SPATS2: variants seen among roughly 807,000 people sequenced by gnomAD.
SPATS2 encodes spermatogenesis-associated serine-rich protein 2.
A neutral mutation model predicts 63.7 loss-of-function variants in SPATS2; 38 were observed. The ratio of observed to expected loss-of-function variants is 0.60; its 90% CI spans 0.46 to 0.78. SPATS2 has a LOEUF of 0.78. Among genes scored for constraint, SPATS2 ranks in the 30% least tolerant of loss-of-function variants. The pLI, the probability that SPATS2 is intolerant of heterozygous loss-of-function variation, is 0.00. For synonymous variants in SPATS2, 207 were observed against 232.9 expected (o/e 0.89, Z 1.01); for missense variants, 588 against 666.2 (o/e 0.88, Z 1.29).
At chr12:49,385,643 A>G (rs1565695896) in intron 2 of SPATS2, among the ~76,000 whole-genome samples, 1 of 152,070 alleles carries the variant, frequency 6.6e-6, no homozygotes, top group African/African-American at 2.4e-5. Flanking sequence ...TAATATTCTC[A>G]GTGAATTAGG....
At position 49,461,072 on chromosome 12, in the gene SPATS2, A is replaced by G. The variant is rs151247702; in HGVS notation, c.25+35A>G. 2.8e-4 allele frequency: 457 copies of G among 1,608,706 alleles called. No homozygotes were observed. The African/African-American group carries it at 5.2e-3, about 18-fold the overall frequency. ...CATGTGGGCATAAATTGTTAAAAGC[A>G]TAGTTATAATGATCCCCATTTATAG... On this transcript the variant is annotated intron_variant, in intron 3 of 13. Transcript: ENST00000552918.
intron 2 of SPATS2, among the ~76,000 whole-genome samples, chr12:49,439,395 G>C (rs1190589334): frequency 6.6e-6 from 1 of 152,132 alleles, no homozygotes; most frequent in Non-Finnish European, 1.5e-5. Flanking sequence ...GTGAAAAATA[G>C]ACTACATTAA....
chr12:49,388,959 G>T (rs1944370015), intron 2 of SPATS2, among the ~76,000 whole-genome samples: 1 of 152,120 alleles, frequency 6.6e-6, no homozygotes, highest in Non-Finnish European at 1.5e-5. Flanking sequence ...CTACGAAAGT[G>T]CTGGGATTAC....
chr12:49,393,029 G>A (rs564212664), intron 2 of SPATS2, among the ~76,000 whole-genome samples: 20 of 152,244 alleles, frequency 1.3e-4, no homozygotes, highest in African/African-American at 4.3e-4. Flanking sequence ...TCCAGCCTGG[G>A]CAAAACTGTG....
At chr12:49,388,755 C>T (rs1219296835) in intron 2 of SPATS2, among the ~76,000 whole-genome samples, 11 of 150,846 alleles carry the variant, frequency 7.3e-5, no homozygotes. Context: ...AGTGCAGTGG[C>T]ATAATCCTAG....
chr12:49,518,795 C>T (rs957311464), intron 10 of SPATS2, among the ~76,000 whole-genome samples: 5 of 152,126 alleles, frequency 3.3e-5, no homozygotes, highest in Non-Finnish European at 7.3e-5. Flanking sequence ...TACATATTTC[C>T]TTTTTAATTT....
At chr12:49,439,587 GGGCTTTT>G (rs1194786250) in intron 2 of SPATS2, among the ~76,000 whole-genome samples, 1 of 152,200 alleles carries the variant, frequency 6.6e-6, no homozygotes, top group East Asian at 1.9e-4. Flanking sequence ...GATAATTACA[GGGCTTTT>G]GGCTTGAGCA....
chr12:49,428,416 C>T (rs1010491464), intron 2 of SPATS2, among the ~76,000 whole-genome samples: 2 of 152,188 alleles, frequency 1.3e-5, no homozygotes, highest in African/African-American at 4.8e-5. Flanking sequence ...AAACTGTACC[C>T]ATTAATCAGT....
intron 9 of SPATS2, among the ~76,000 whole-genome samples, chr12:49,506,298 A>G (rs1946653052): frequency 6.8e-6 from 1 of 146,338 alleles, no homozygotes; most frequent in Admixed American, 6.7e-5. Flanking sequence ...GACATACTCA[A>G]GACTGGGTAA....
At chr12:49,486,091 A>G (rs187089870) in intron 4 of SPATS2, among the ~76,000 whole-genome samples, 34 of 151,824 alleles carry the variant, frequency 2.2e-4, no homozygotes, top group African/African-American at 8.0e-4. Context: ...ATTGTTGACT[A>G]TGGAGTCCTG....
At chr12:49,504,023 A>T (rs1486218478) in intron 9 of SPATS2, among the ~76,000 whole-genome samples, 1 of 152,188 alleles carries the variant, frequency 6.6e-6, no homozygotes. Context: ...TTTATAAACC[A>T]CCTTATTTCA....
rs573748596 is a variant in SPATS2 at position 49,394,809 on chromosome 12, C to T, written c.-244+23519C>T. ...TTTTAAGGCCGGGCGTGGTGCCTCACGCCTGTAATCCCAGCACTTTGGGAG... is the reference window on the plus strand; with the variant it reads ...TTTTAAGGCCGGGCGTGGTGCCTCATGCCTGTAATCCCAGCACTTTGGGAG... On this transcript the variant is annotated intron_variant, in intron 2 of 13. Coordinates refer to ENST00000552918, the MANE Select transcript of SPATS2 (RefSeq NM_023071.4). Among the ~76,000 whole-genome samples the T allele has an allele frequency of 1.8e-4, 27 of 152,226 alleles. No homozygotes were observed. The East Asian group carries it at 5.0e-3, about 28-fold the overall frequency.
chr12:49,500,337 A>T, intron 9 of SPATS2, 132 bp downstream of exon 9: 1 of 1,042,060 alleles, frequency 9.6e-7, no homozygotes, highest in Non-Finnish European at 1.4e-6. Flanking sequence ...ATCCTATGGT[A>T]TATTTAGCTT....
Position 49,498,657 on chromosome 12 carries a change from A to C in SPATS2, c.704-1413A>C, listed in dbSNP as rs550895622. ...GTTAACAGTTTCTATTCTGCTGTTA[A>C]TTCTATGCAGTATATGTCTCTGGCA... On this transcript the variant is annotated intron_variant, in intron 8 of 13. Coordinates refer to ENST00000552918, the MANE Select transcript of SPATS2 (RefSeq NM_023071.4). 4.6e-5 allele frequency among the ~76,000 whole-genome samples: 7 copies of C among 152,260 alleles called. 1 individual carries two copies. In the South Asian group the frequency reaches 6.2e-4, roughly 14 times the overall value.
rs574911540 is a variant in SPATS2 at position 49,436,420 on chromosome 12, C to T, written c.-243-24350C>T. ...GGGGCTGACCCCCCCACCTCCCTCC[C>T]GGAGGGGGCGGCTGGCCGGGCAGAG... On this transcript the variant is annotated intron_variant, in intron 2 of 13. Transcript: ENST00000552918. Among the ~76,000 whole-genome samples, 136 of 145,448 alleles carry T rather than the reference C, an allele frequency of 9.4e-4. 4 individuals are homozygous for T. Among genetic ancestry groups the T allele is most frequent in the African/African-American group, 3.3e-3 (126 of 38,458 alleles).
chr12:49,446,356 G>A (rs1314414552), intron 2 of SPATS2, among the ~76,000 whole-genome samples: 1 of 152,230 alleles, frequency 6.6e-6, no homozygotes, highest in Non-Finnish European at 1.5e-5. Flanking sequence ...TAGGTCAGAT[G>A]TTGGGCACAA....
intron 2 of SPATS2, among the ~76,000 whole-genome samples, chr12:49,387,594 G>A (rs369136146): frequency 6.7e-4 from 97 of 143,850 alleles, no homozygotes; most frequent in African/African-American, 2.4e-3. Flanking sequence ...CTGAGATCAC[G>A]CCACTGCACA....
In SPATS2 at chr12:49,524,795, C is replaced by T. The variant is rs1947004404; in HGVS notation, c.1225C>T (p.Pro409Ser). Residue 409 changes from proline to serine, a missense_variant, in exon 13 of 14, where the codon CCT becomes TCT. Pro to Ser is a moderately conservative substitution (Grantham distance 74). Transcript: ENST00000552918. ...TGCTTCCTCTTCCACCTGTGCCTCTCCTCCCAGCCTTACAAGTGCTAACAA... is the reference window on the plus strand; with the variant it reads ...TGCTTCCTCTTCCACCTGTGCCTCTTCTCCCAGCCTTACAAGTGCTAACAA... ...SAASSSTCAS[P>S]PSLTSANKKN... 6.2e-7 allele frequency: 1 copy of T among 1,614,208 alleles called. No individual in the cohort carries two copies. Among genetic ancestry groups the T allele is most frequent in the Non-Finnish European group, 8.5e-7 (1 of 1,180,032 alleles).
At chr12:49,465,151 G>A (rs901165350) in intron 3 of SPATS2, among the ~76,000 whole-genome samples, 1 of 152,176 alleles carries the variant, frequency 6.6e-6, no homozygotes, top group Non-Finnish European at 1.5e-5. Context: ...GTGCTGTTAT[G>A]AATGATTGTC....
Sources: gnomAD v4.1 joint callset for allele counts (sites outside exome capture counted in the v4.1 genomes callset) on GRCh38, gnomAD v4.1.1 for gene constraint, MANE v1.5 for transcripts, NCBI Gene and HGNC (gene_info 2026-07-23, HGNC 2026-07-21) for gene names.